NCMAP: variants seen among roughly 807,000 people sequenced by gnomAD.
The protein encoded by NCMAP is non-compact myelin associated protein.
A neutral mutation model predicts 7.8 loss-of-function variants in NCMAP; 8 were observed. That is an observed-to-expected ratio of 1.02 (90% confidence interval 0.60 to 1.84). The LOEUF (loss-of-function observed/expected upper bound fraction) is 1.84. NCMAP is among the 40% of genes most tolerant of loss of function. The pLI is 0.00. For missense variants in NCMAP, 112 were observed against 131.4 expected, an observed-to-expected ratio of 0.85 and a Z score of 0.72; for synonymous variants, 41 against 52.9, an observed-to-expected ratio of 0.78 and a Z score of 0.98.
At chr1:24,589,312 G>C (rs1184635070) in intron 1 of NCMAP, among the ~76,000 whole-genome samples, 3 of 152,036 alleles carry the variant, frequency 2.0e-5, no homozygotes, top group Non-Finnish European at 2.9e-5. Flanking sequence ...AAGTGCTCCT[G>C]CTGGCCCTCA....
chr1:24,575,416 AG>A (rs1651525772), intron 1 of NCMAP, among the ~76,000 whole-genome samples: 2 of 152,274 alleles, frequency 1.3e-5, no homozygotes, highest in South Asian at 4.1e-4. Flanking sequence ...TTTATTGGGC[AG>A]GGTGCTTTCT....
intron 1 of NCMAP, among the ~76,000 whole-genome samples, chr1:24,588,639 G>A (rs1177287049): frequency 6.6e-6 from 1 of 152,158 alleles, no homozygotes; most frequent in African/African-American, 2.4e-5. Flanking sequence ...AGAGAAGGAT[G>A]GATCCGTGAA....
chr1:24,589,303 AG>A (rs1366811042), intron 1 of NCMAP, among the ~76,000 whole-genome samples: 1 of 147,916 alleles, frequency 6.8e-6, no homozygotes, highest in Non-Finnish European at 1.5e-5. Flanking sequence ...TTGATACTGA[AG>A]TGCTCCTGCT....
At chr1:24,594,888 TG>T (rs1332954895) in intron 1 of NCMAP, among the ~76,000 whole-genome samples, 1 of 114,852 alleles carries the variant, frequency 8.7e-6, no homozygotes, top group Non-Finnish European at 1.9e-5. Flanking sequence ...AAGACCTTTA[TG>T]TAAAAAAAAA....
At chr1:24,582,764 T>C (rs536634415) in intron 1 of NCMAP, among the ~76,000 whole-genome samples, 1 of 152,344 alleles carries the variant, frequency 6.6e-6, no homozygotes, top group Non-Finnish European at 1.5e-5. Flanking sequence ...TGTGTTGTTT[T>C]AAGCCACTAA....
At chr1:24,575,286 T>G (rs1336117166) in intron 1 of NCMAP, among the ~76,000 whole-genome samples, 2 of 151,956 alleles carry the variant, frequency 1.3e-5, no homozygotes, top group Admixed American at 6.6e-5. Flanking sequence ...AAAGTTTCAG[T>G]TTTTTTCCCT....
In NCMAP at chr1:24,573,092, C is replaced by T. The variant is rs1399156022; in HGVS notation, c.-8+16923C>T. Among the ~76,000 whole-genome samples, 5 of 150,516 alleles carry T rather than the reference C, an allele frequency of 3.3e-5. 1 individual carries two copies. The highest frequency in any genetic ancestry group is 1.3e-4 in the African/African-American group (5 of 39,840). On this transcript the variant is annotated intron_variant, in intron 1 of 3. Coordinates refer to ENST00000374392, the MANE Select transcript of NCMAP (RefSeq NM_001010980.5). ...CACCCCAGGTCTAGGAAAGCCAGGC[C>T]CTGCTCACACACCTCCACGCCTGTC...
chr1:24,563,997 A>T (rs1651136008), intron 1 of NCMAP: 1 of 152,226 alleles, frequency 6.6e-6, no homozygotes, highest in South Asian at 2.1e-4. Context: ...ATCTTTCATT[A>T]AAAAACTGCT....
chr1:24,602,362 C>A lies in NCMAP; in HGVS notation c.167+1338C>A, dbSNP rs1295092955. Among the ~76,000 whole-genome samples, 47 of 148,964 alleles carry A rather than the reference C, an allele frequency of 3.2e-4. 3 individuals carry two copies. The highest frequency in any genetic ancestry group is 1.2e-3 in the African/African-American group (46 of 38,824). ...CTTTGAGAGGCCGAGGCGGGCGGAT[C>A]ACGAGGTCAGGAGATCGAGACCACG... On this transcript the variant is annotated intron_variant, in intron 3 of 3. Coordinates refer to ENST00000374392, the MANE Select transcript of NCMAP (RefSeq NM_001010980.5).
At chr1:24,599,721 GCACA>G (rs1652399068) in intron 2 of NCMAP, among the ~76,000 whole-genome samples, 1 of 150,486 alleles carries the variant, frequency 6.6e-6, no homozygotes, top group Non-Finnish European at 1.5e-5. Context: ...GGGATTACAG[GCACA>G]TGCCATCACG....
chr1:24,600,025 A>G (rs61364270), intron 2 of NCMAP, among the ~76,000 whole-genome samples: 5,345 of 152,188 alleles, frequency 0.035, 145 homozygotes, highest in Middle Eastern at 0.11. Context: ...ATACAGAGAT[A>G]GAGTCTTGCC....
intron 3 of NCMAP, among the ~76,000 whole-genome samples, chr1:24,602,569 CAAAAAAAAAAA>C (rs10630961): frequency 2.5e-5 from 1 of 40,064 alleles, no homozygotes; most frequent in African/African-American, 1.5e-4. Context: ...GACTCCATCT[CAAAAAAAAAAA>C]AAAAAAAAAA....
At chr1:24,569,688 A>G (rs1651333084) in intron 1 of NCMAP, among the ~76,000 whole-genome samples, 1 of 150,706 alleles carries the variant, frequency 6.6e-6, no homozygotes, top group East Asian at 1.9e-4. Context: ...AATGGAAATA[A>G]TGATACCCAC....
At chr1:24,570,062 A>C (rs922471745) in intron 1 of NCMAP, among the ~76,000 whole-genome samples, 1 of 148,022 alleles carries the variant, frequency 6.8e-6, no homozygotes, top group African/African-American at 2.6e-5. Context: ...TGATCCTCCC[A>C]CCTCAACCTC....
At chr1:24,577,413 T>G (rs1290735643) in intron 1 of NCMAP, among the ~76,000 whole-genome samples, 3 of 145,366 alleles carry the variant, frequency 2.1e-5, no homozygotes, top group Admixed American at 2.0e-4. Flanking sequence ...TTTTTTTTTT[T>G]TTTTTTTTTT....
intron 1 of NCMAP, among the ~76,000 whole-genome samples, chr1:24,582,623 G>T (rs943359562): frequency 6.6e-6 from 1 of 152,172 alleles, no homozygotes; most frequent in Non-Finnish European, 1.5e-5. Flanking sequence ...CAGGCAGCTT[G>T]CAAGAAAAGG....
chr1:24,562,479 C>G (rs907338980), intron 1 of NCMAP, among the ~76,000 whole-genome samples: 13 of 152,186 alleles, frequency 8.5e-5, no homozygotes, highest in Non-Finnish European at 1.9e-4. Flanking sequence ...GAGGACTGTG[C>G]CCGGTTCCCC....
At chr1:24,597,519 A>AG (rs796235815) in intron 2 of NCMAP, among the ~76,000 whole-genome samples, 10 of 21,342 alleles carry the variant, frequency 4.7e-4, no homozygotes, top group African/African-American at 1.8e-3. Flanking sequence ...AAGAGAAGGA[A>AG]GGGGGGGGGG....
At chr1:24,594,569 A>C (rs1652155413) in intron 1 of NCMAP, among the ~76,000 whole-genome samples, 1 of 152,276 alleles carries the variant, frequency 6.6e-6, no homozygotes, top group African/African-American at 2.4e-5. Flanking sequence ...CCCAAACTGC[A>C]TTAACTCTCT....
Sources: allele counts gnomAD v4.1 joint callset (sites outside exome capture counted in the v4.1 genomes callset), GRCh38; gene constraint gnomAD v4.1.1; transcripts MANE v1.5; gene names NCBI Gene and HGNC (gene_info 2026-07-23, HGNC 2026-07-21).